The following OR56A3 variants were observed in gnomAD, a reference collection of about 807,000 sequenced individuals.
OR56A3 encodes olfactory receptor 56A3.
In OR56A3, 23 loss-of-function variants were observed where a neutral mutation model predicts 17.5. The ratio of observed to expected loss-of-function variants is 1.32; its 90% CI spans 0.95 to 1.87. The LOEUF (loss-of-function observed/expected upper bound fraction) is 1.87. Ranked by LOEUF, OR56A3 falls within the 40% of genes most tolerant of loss-of-function variation. OR56A3 has a pLI of 0.00. For synonymous variants in OR56A3, 175 were observed against 150.6 expected, an observed-to-expected ratio of 1.16 and a Z score of -1.19; for missense variants, 366 against 380.1, an observed-to-expected ratio of 0.96 and a Z score of 0.31.
At chr11:5,945,609 T>C (rs958637637) in intron 2 of OR56A3, among the ~76,000 whole-genome samples, 5 of 146,956 alleles carry the variant, frequency 3.4e-5, no homozygotes, top group Non-Finnish European at 7.5e-5. Flanking sequence ...AAAAATTATT[T>C]CTTGGGTCTG....
At chr11:6,006,766 C>T in the OR56A3 span, among the ~76,000 whole-genome samples, 1 of 152,168 alleles carries the variant, frequency 6.6e-6, no homozygotes, top group Non-Finnish European at 1.5e-5. Flanking sequence ...ATGCTTGTAC[C>T]AGAACCTAAG....
chr11:5,976,143 G>A, the OR56A3 span, among the ~76,000 whole-genome samples: 1 of 151,980 alleles, frequency 6.6e-6, no homozygotes, highest in Admixed American at 6.6e-5. Context: ...GGAACTGGGA[G>A]AGGGAGAGGA....
the OR56A3 span, chr11:6,019,692 G>A: frequency 2.6e-5 from 4 of 152,068 alleles, no homozygotes; most frequent in Admixed American, 2.6e-4. Context: ...CCTCCCAATT[G>A]TCTTTCCAAT....
downstream of OR56A3, among the ~76,000 whole-genome samples, chr11:5,953,112 T>C (rs183869568): frequency 2.6e-5 from 4 of 152,310 alleles, no homozygotes; most frequent in Admixed American, 2.0e-4. Context: ...CTGCGATAAA[T>C]GTGCAAGTGC....
the OR56A3 span, chr11:5,994,164 C>T: frequency 5.9e-6 from 3 of 510,810 alleles, no homozygotes; most frequent in East Asian, 1.6e-4. Flanking sequence ...TGAGCTGCTC[C>T]ATCTGCAGGG....
the OR56A3 span, among the ~76,000 whole-genome samples, chr11:6,018,157 C>T: frequency 5.3e-5 from 8 of 152,074 alleles, no homozygotes; most frequent in Middle Eastern, 3.4e-3. Context: ...GAGACGCCAA[C>T]GCCCAACTCT....
At chr11:5,966,443 T>A in the OR56A3 span, among the ~76,000 whole-genome samples, 1 of 152,178 alleles carries the variant, frequency 6.6e-6, no homozygotes, top group Non-Finnish European at 1.5e-5. Context: ...AATAATTTGA[T>A]TATCATAGAT....
chr11:5,964,414 A>G, the OR56A3 span, among the ~76,000 whole-genome samples: 25 of 152,198 alleles, frequency 1.6e-4, no homozygotes, highest in African/African-American at 4.8e-4. Flanking sequence ...TGAACCAGTC[A>G]TCTGGTGTGG....
chr11:5,987,547 A>G, the OR56A3 span, among the ~76,000 whole-genome samples: 1 of 152,178 alleles, frequency 6.6e-6, no homozygotes. Flanking sequence ...GAATATCTAT[A>G]CACCACATCC....
At chr11:5,946,986 T>A (rs1411316693) in intron 2 of OR56A3, among the ~76,000 whole-genome samples, 5 of 152,152 alleles carry the variant, frequency 3.3e-5, no homozygotes, top group African/African-American at 9.7e-5. Context: ...AGAAGAAACC[T>A]ATGGGTAGAA....
At chr11:6,002,372 C>T in the OR56A3 span, 2 of 1,614,144 alleles carry the variant, frequency 1.2e-6, no homozygotes, top group Non-Finnish European at 1.7e-6. Context: ...CCAACAGAGT[C>T]CAGCCTGCCA....
At chr11:5,968,343 G>A in the OR56A3 span, 11 of 1,613,564 alleles carry the variant, frequency 6.8e-6, no homozygotes, top group African/African-American at 1.5e-4. Context: ...CAGATAGATG[G>A]TGATCAGAAG....
chr11:6,011,473 A>G, the OR56A3 span, among the ~76,000 whole-genome samples: 1 of 148,680 alleles, frequency 6.7e-6, no homozygotes, highest in African/African-American at 2.5e-5. Context: ...TAATGAATCT[A>G]GATACCTGTA....
In OR56A3 at chr11:5,949,214, A is replaced by C. The variant is rs1366728713; in HGVS notation, c.*920A>C. ...AATTATGTTAGCTATTAAGAAACAA[A>C]AATAAAAAGAATATTGTTGTTGATT... On this transcript the variant is annotated 3_prime_UTR_variant, in exon 3 of 3. Coordinates refer to ENST00000641160, the MANE Select transcript of OR56A3 (RefSeq NM_001003443.3). The C allele has an allele frequency of 6.6e-6, 1 of 152,246 alleles. No homozygotes were observed. The highest frequency in any genetic ancestry group is 1.5e-5 in the Non-Finnish European group (1 of 68,044). The allele number at this position is 152,246 out of a possible 1,614,324, so 9.4% of individuals were successfully genotyped here. A position where few individuals can be genotyped will look rare whatever the true frequency, so the allele number is the denominator to read the frequency against.
At chr11:5,966,122 G>A in the OR56A3 span, among the ~76,000 whole-genome samples, 2 of 150,504 alleles carry the variant, frequency 1.3e-5, no homozygotes, top group African/African-American at 4.9e-5. Flanking sequence ...TGTAATCACA[G>A]CACTTTGGGA....
downstream of OR56A3, among the ~76,000 whole-genome samples, chr11:5,956,040 T>C (rs917360258): frequency 6.6e-6 from 1 of 152,228 alleles, no homozygotes; most frequent in African/African-American, 2.4e-5. Context: ...CATTATTCTA[T>C]TTATAGCATT....
At chr11:6,021,823 G>T in the OR56A3 span, 7 of 151,958 alleles carry the variant, frequency 4.6e-5, no homozygotes, top group Admixed American at 6.6e-5. Flanking sequence ...CAAGAAACTT[G>T]TCCCCCTCTC....
downstream of OR56A3, among the ~76,000 whole-genome samples, chr11:5,953,529 G>C (rs960851692): frequency 6.6e-6 from 1 of 152,040 alleles, no homozygotes; most frequent in African/African-American, 2.4e-5. Flanking sequence ...AGCATTCCTA[G>C]GTTAAGTGCC....
At chr11:5,955,390 G>C (rs891329227), downstream of OR56A3, among the ~76,000 whole-genome samples, 2 of 152,166 alleles carry the variant, frequency 1.3e-5, no homozygotes, top group Non-Finnish European at 2.9e-5. Context: ...TGGAGAATCT[G>C]TATGGGTCTA....
Sources: allele counts gnomAD v4.1 joint callset (sites outside exome capture counted in the v4.1 genomes callset), GRCh38; gene constraint gnomAD v4.1.1; transcripts MANE v1.5; gene names NCBI Gene and HGNC (gene_info 2026-07-23, HGNC 2026-07-21).